TRIM66: variants seen among roughly 807,000 people sequenced by gnomAD.
TRIM66 encodes the protein tripartite motif containing 66.
Under a neutral mutation model 148.2 loss-of-function variants are expected in TRIM66, and 99 were observed. The ratio of observed to expected loss-of-function variants is 0.67; its 90% confidence interval spans 0.57 to 0.79. The LOEUF (loss-of-function observed/expected upper bound fraction) is 0.79, where lower values mean the gene tolerates loss of function less well. Ranked by LOEUF, TRIM66 falls within the 30% of genes least tolerant of loss-of-function variation. TRIM66 has a pLI of 0.00. For missense variants in TRIM66, 1,666 were observed against 1,697.9 expected (o/e 0.98, Z 0.33); for synonymous variants, 616 against 635.9 (o/e 0.97, Z 0.47).
In TRIM66 at chr11:8,620,450, T is replaced by C. The variant is rs545663403; in HGVS notation, c.3668A>G (p.Gln1223Arg). 3.9e-6 allele frequency: 6 copies of C among 1,551,752 alleles called. No homozygotes were observed. In the African/African-American group the frequency reaches 6.8e-5, roughly 18 times the overall value. ...RASPGLSMYD[Q>R]KKCEKLVLSL... The stretch of plus-strand genomic sequence containing the variant: ...TTTCCAAAGACTCCTCCCTACCTTC[T>C]GGTCATACATGCTTAGGCCAGGAGA... Residue 1223 changes from glutamine (Q) to arginine (R), a missense_variant, in exon 21 of 25, where the codon CAG (glutamine) becomes CGG (arginine). By Grantham distance (43) the Gln-to-Arg change is conservative. Transcript: ENST00000646038.
At chr11:8,677,949 T>C (rs2039254349) in intron 3 of TRIM66, among the ~76,000 whole-genome samples, 1 of 152,228 alleles carries the variant, frequency 6.6e-6, no homozygotes. Context: ...AAACCTCGCC[T>C]GATCCTATGG....
chr11:8,663,684 C>T (rs549601219), intron 6 of TRIM66, among the ~76,000 whole-genome samples: 1 of 152,222 alleles, frequency 6.6e-6, no homozygotes, highest in South Asian at 2.1e-4. Flanking sequence ...TACCTGCACT[C>T]CCATGTTCAT....
At chr11:8,648,218 TA>T in intron 9 of TRIM66, 132 bp from the exon 10 acceptor site, 1 of 1,159,134 alleles carries the variant, frequency 8.6e-7, no homozygotes, top group Non-Finnish European at 1.2e-6. Context: ...AGGGAAAGTC[TA>T]AGGCACCACA....
chr11:8,682,802 T>C (rs368363034), upstream of TRIM66: 1 of 1,613,424 alleles, frequency 6.2e-7, no homozygotes, highest in Non-Finnish European at 8.5e-7. Flanking sequence ...CTTTTTCGTC[T>C]GGGCTGCCAA....
At chr11:8,647,668 C>T (rs777005060) in intron 10 of TRIM66, among the ~76,000 whole-genome samples, 29 of 152,204 alleles carry the variant, frequency 1.9e-4, no homozygotes, top group Non-Finnish European at 3.4e-4. Flanking sequence ...TCCCTAGTGT[C>T]TGCTTGGTAC....
In TRIM66 at chr11:8,672,006, C is replaced by T; in HGVS notation, c.120G>A (p.Met40Ile). 1 of 1,536,064 alleles carries T rather than the reference C, an allele frequency of 6.5e-7. No individual in the cohort carries two copies. Among genetic ancestry groups the T allele is most frequent in the Middle Eastern group, 1.7e-4 (1 of 5,982 alleles). The change falls in exon 6 of 25, where the codon ATG becomes ATA. Residue 40 changes from methionine (M) to isoleucine (I), a missense_variant. Physicochemically the swap from Met to Ile is conservative, Grantham distance 10 (BLOSUM62 1). Coordinates refer to ENST00000646038, the MANE Select transcript of TRIM66 (RefSeq NM_001388022.1). Reference protein sequence around the residue: ...PVLGTGMAVDMGMSFMGLPLA... With the variant: ...PVLGTGMAVDIGMSFMGLPLA... ...GTGGCAGCCCCATAAAGCTCATGCC[C>T]ATGTCCACAGCCATGCCTGTGCCCA...
chr11:8,637,093 A>G (rs1249849046), intron 15 of TRIM66, among the ~76,000 whole-genome samples: 1 of 152,166 alleles, frequency 6.6e-6, no homozygotes, highest in African/African-American at 2.4e-5. Flanking sequence ...TCCCCTAAGA[A>G]GTCTTCTGTC....
At chr11:8,636,461 A>G (rs2035889420) in intron 15 of TRIM66, among the ~76,000 whole-genome samples, 1 of 152,202 alleles carries the variant, frequency 6.6e-6, no homozygotes, top group Non-Finnish European at 1.5e-5. Context: ...TGTATTCCAC[A>G]AAAGAATAGC....
Position 8,617,992 on chromosome 11 carries a change from T to G in TRIM66, c.4131A>C (p.Arg1377Ser). ...KRRRRHMENE[R>S]AKRMSFRLAN... ...CCAGGCGAAATGACATTCTTTTTGC[T>G]CTTTCATTCTCCTGAAAGAAAAATA... The change falls in exon 25 of 25, where the codon AGA becomes AGC. Residue 1377 changes from arginine (R) to serine (S), a missense_variant. Transcript: ENST00000646038. 6.4e-7 allele frequency: 1 copy of G among 1,551,712 alleles called. No individual in the cohort carries two copies. Among genetic ancestry groups the G allele is most frequent in the Non-Finnish European group, 8.7e-7 (1 of 1,146,974 alleles).
rs77477209 is a variant in TRIM66, at chr11:8,645,477, TC to T, written c.1104+263del. On this transcript the variant is annotated intron_variant, in intron 12 of 24. Transcript: ENST00000646038. Reference sequence around the variant, plus strand: ...ACCTATGACAAAGAACTACAGACTTTCCCAACTGAGCTACCTTTGGGAGGGC... The same window carrying T: ...ACCTATGACAAAGAACTACAGACTTTCCAACTGAGCTACCTTTGGGAGGGC... Among the ~76,000 whole-genome samples the T allele has an allele frequency of 6.3e-3, 958 of 152,304 alleles. 65 individuals are homozygous for T. The East Asian group carries it at 0.15, about 24-fold the overall frequency.
chr11:8,647,467 T>C (rs1168636467), intron 10 of TRIM66, among the ~76,000 whole-genome samples: 3 of 151,882 alleles, frequency 2.0e-5, no homozygotes, highest in Non-Finnish European at 2.9e-5. Context: ...CTGAACAAAA[T>C]AATGCATATA....
At chr11:8,647,841 G>A in intron 10 of TRIM66, 129 bp downstream of exon 10, 1 of 738,842 alleles carries the variant, frequency 1.4e-6, no homozygotes, top group South Asian at 1.7e-5. Flanking sequence ...TGCCTTCTAG[G>A]ACATATGCCC....
chr11:8,670,007 G>GTTTTTTTTTTT (rs752586311), intron 6 of TRIM66, among the ~76,000 whole-genome samples: 1 of 138,548 alleles, frequency 7.2e-6, no homozygotes, highest in African/African-American at 2.7e-5. Context: ...GTCTTGTTTT[G>GTTTTTTTTTTT]TTTTTATTTA....
At position 8,615,416 on chromosome 11, in the gene TRIM66, A is replaced by T. The variant is rs2033661000; in HGVS notation, c.*2528T>A. ...TCCACTGCATGATGTTGTCAAGGAC[A>T]AAAGGACTTGGCTGACTTCAAAACT... On this transcript the variant is annotated 3_prime_UTR_variant, in exon 25 of 25. Coordinates refer to ENST00000646038, the MANE Select transcript of TRIM66 (RefSeq NM_001388022.1). 6.6e-6 allele frequency: 1 copy of T among 152,182 alleles called. No homozygotes were observed. Among genetic ancestry groups the T allele is most frequent in the Non-Finnish European group, 1.5e-5 (1 of 68,026 alleles). The allele number at this position is 152,182 out of a possible 1,614,324, so 9.4% of individuals were successfully genotyped here.
intron 4 of TRIM66, among the ~76,000 whole-genome samples, chr11:8,674,068 G>C (rs1396641997): frequency 6.6e-6 from 1 of 152,194 alleles, no homozygotes; most frequent in Non-Finnish European, 1.5e-5. Context: ...TTAGAGACGA[G>C]GACAGTCTCT....
chr11:8,678,378 G>A (rs1383307331), intron 3 of TRIM66, among the ~76,000 whole-genome samples: 4 of 152,144 alleles, frequency 2.6e-5, no homozygotes, highest in African/African-American at 9.7e-5. Context: ...ACGAAAAACT[G>A]CCATGGTATT....
chr11:8,671,658 C>T (rs2038939843), intron 6 of TRIM66, 128 bp downstream of exon 6: 4 of 611,354 alleles, frequency 6.5e-6, no homozygotes, highest in Non-Finnish European at 1.2e-5. Flanking sequence ...CCAAAGATTG[C>T]TTTCAGCAAT....
intron 6 of TRIM66, among the ~76,000 whole-genome samples, chr11:8,659,810 G>A (rs898651604): frequency 2.6e-5 from 4 of 152,188 alleles, no homozygotes; most frequent in African/African-American, 9.6e-5. Context: ...AGGTCTTCCT[G>A]TATCCAGTCC....
chr11:8,681,335 G>A (rs1156499104), intron 1 of TRIM66, among the ~76,000 whole-genome samples: 1 of 151,856 alleles, frequency 6.6e-6, no homozygotes, highest in Admixed American at 6.6e-5. Flanking sequence ...GGGTTTCACC[G>A]TGTTAGCCAG....
Sources: gnomAD v4.1 joint callset for allele counts (sites outside exome capture counted in the v4.1 genomes callset) on GRCh38, gnomAD v4.1.1 for gene constraint, MANE v1.5 for transcripts, NCBI Gene and HGNC (gene_info 2026-07-23, HGNC 2026-07-21) for gene names.